ASB18: variants seen among roughly 807,000 people sequenced by gnomAD.
ASB18 encodes ankyrin repeat and SOCS box containing 18, also known as ankyrin repeat and SOCS box protein 18.
In ASB18, 33 loss-of-function variants were observed where a neutral mutation model predicts 33.4. The ratio of observed to expected loss-of-function variants is 0.99; its 90% CI spans 0.75 to 1.32. The LOEUF (loss-of-function observed/expected upper bound fraction) is 1.32, where lower values mean the gene tolerates loss of function less well. Ranked by LOEUF, ASB18 falls within the 40% of genes most tolerant of loss-of-function variation. The probability of loss-of-function intolerance (pLI) is 0.00; values close to 1 mark genes in which losing one functional copy is unlikely to be tolerated. For synonymous variants in ASB18, 295 were observed against 307.6 expected, an observed-to-expected ratio of 0.96 and a Z score of 0.43; for missense variants, 694 against 655.5, an observed-to-expected ratio of 1.06 and a Z score of -0.64.
rs752938934 is a variant in ASB18 at position 236,194,552 on chromosome 2, C to T, written c.*320G>A. Among the ~76,000 whole-genome samples, 1 of 152,196 alleles carries T rather than the reference C, an allele frequency of 6.6e-6. No homozygotes were observed. The highest frequency in any genetic ancestry group is 2.4e-5 in the African/African-American group (1 of 41,442). ...TTAAAGCTGGTTCCCTAGAACCTAT[C>T]GAAGACCTTAAGTGAGGACTCACTG... On this transcript the variant is annotated 3_prime_UTR_variant, in exon 6 of 6. Transcript: ENST00000409749. The surrounding 1 kb of genome is among the most constrained non-coding windows in gnomAD (Gnocchi z 4.5).
rs2060519868 is a variant in ASB18, at chr2:236,223,111, G to C, written c.597-8245C>G. Among the ~76,000 whole-genome samples the C allele has an allele frequency of 6.6e-6, 1 of 152,190 alleles. No individual in the cohort carries two copies. The highest frequency in any genetic ancestry group is 6.5e-5 in the Admixed American group (1 of 15,278). ...GTTTGCCTTCTGCCATGAGTAAAAAGCTTCCTGAGGCCTCCCCAGAAGCAG... is the reference window on the plus strand; with the variant it reads ...GTTTGCCTTCTGCCATGAGTAAAAACCTTCCTGAGGCCTCCCCAGAAGCAG... On this transcript the variant is annotated intron_variant, in intron 3 of 5. Transcript: ENST00000409749. The surrounding 1 kb of genome is among the most constrained non-coding windows in gnomAD (Gnocchi z 4.6).
rs1171971539 is a variant in ASB18 at position 236,196,409 on chromosome 2, C to T, written c.1102-24G>A. On this transcript the variant is annotated intron_variant, in intron 4 of 5. Transcript: ENST00000409749. The surrounding 1 kb of genome is among the most constrained non-coding windows in gnomAD (Gnocchi z 5.6). ...ACCTGGTGGGAAGAGGTGAAAGACGCAGCGTAGGCCGACTGGGTTCTGGGT... is the reference window on the plus strand; with the variant it reads ...ACCTGGTGGGAAGAGGTGAAAGACGTAGCGTAGGCCGACTGGGTTCTGGGT... The T allele has an allele frequency of 3.7e-6, 5 of 1,366,204 alleles. No individual in the cohort carries two copies. In the Admixed American group the frequency reaches 5.9e-5, roughly 16 times the overall value. 84.6% of individuals were successfully genotyped at this position (1,366,204 alleles called of 1,614,324 possible).
At position 236,195,216 on chromosome 2, in the gene ASB18, C is replaced by T. The variant is rs922207097; in HGVS notation, c.1216-159G>A. 5.9e-5 allele frequency among the ~76,000 whole-genome samples: 9 copies of T among 152,234 alleles called. No individual in the cohort carries two copies. Among genetic ancestry groups the T allele is most frequent in the Admixed American group, 5.9e-4 (9 of 15,284 alleles). On this transcript the variant is annotated intron_variant, in intron 5 of 5. Coordinates refer to ENST00000409749, the MANE Select transcript of ASB18 (RefSeq NM_212556.4). The surrounding 1 kb of genome is among the most constrained non-coding windows in gnomAD (Gnocchi z 5.5). Reference sequence around the variant, plus strand: ...GACGCACCATCTTGTGGGAACCACCCTCTACCCCAGGGGCTTGTGTGCTCT... The same window carrying T: ...GACGCACCATCTTGTGGGAACCACCTTCTACCCCAGGGGCTTGTGTGCTCT...
Position 236,196,120 on chromosome 2 carries a change from A to G in ASB18, c.1215+152T>C, listed in dbSNP as rs1363419912. Reference sequence around the variant, plus strand: ...TGTGATTATGGAGCCTCCAGAAAAAACCAGAAACGTGCAAATACACCCTCA... The same window carrying G: ...TGTGATTATGGAGCCTCCAGAAAAAGCCAGAAACGTGCAAATACACCCTCA... On this transcript the variant is annotated intron_variant, in intron 5 of 5. Transcript: ENST00000409749. The surrounding 1 kb of genome is among the most constrained non-coding windows in gnomAD (Gnocchi z 5.6). The G allele has an allele frequency of 2.9e-6, 2 of 678,804 alleles. No homozygotes were observed. The highest frequency in any genetic ancestry group is 5.5e-6 in the Non-Finnish European group (2 of 365,114). 42.0% of individuals were successfully genotyped at this position (678,804 alleles called of 1,614,324 possible).
Position 236,247,124 on chromosome 2 carries a change from T to G in ASB18, c.206-5722A>C, listed in dbSNP as rs1003960586. Among the ~76,000 whole-genome samples the G allele has an allele frequency of 4.3e-5, 3 of 70,268 alleles. No homozygotes were observed. In the East Asian group the frequency reaches 1.0e-3, roughly 23 times the overall value. The allele number at this position is 70,268 out of a possible 152,430, so 46.1% of individuals were successfully genotyped here. Reference sequence around the variant, plus strand: ...AAGGTGTAGTAGTCAAGAAACAGACTCTTTTTTTTTTTTTTTTTTGGTGAC... The same window carrying G: ...AAGGTGTAGTAGTCAAGAAACAGACGCTTTTTTTTTTTTTTTTTTGGTGAC... On this transcript the variant is annotated intron_variant, in intron 1 of 5. Transcript: ENST00000409749.
Position 236,241,413 on chromosome 2 carries a change from G to A in ASB18, c.206-11C>T. On this transcript the variant is annotated splice_polypyrimidine_tract_variant and intron_variant, in intron 1 of 5. Transcript: ENST00000409749. This position sits in a 1 kb window ranked among gnomAD's most constrained non-coding sequence, Gnocchi z 4.2. ...GATGGTCGAGGTCCCCTGCGACCAG[G>A]GCAGTGTGGTACTCCTGCACCGGGG... 6.2e-7 allele frequency: 1 copy of A among 1,613,874 alleles called. No individual in the cohort carries two copies. Among genetic ancestry groups the A allele is most frequent in the Non-Finnish European group, 8.5e-7 (1 of 1,179,834 alleles).
At chr2:236,261,234 T>C (rs1440384342) in intron 1 of ASB18, among the ~76,000 whole-genome samples, 3 of 152,212 alleles carry the variant, frequency 2.0e-5, no homozygotes, top group Admixed American at 2.0e-4. Context: ...ACACAGGTCA[T>C]GGGAGAGCTT....
rs527576686 is a variant in ASB18 at position 236,241,144 on chromosome 2, T to C, written c.328+136A>G. 1.3e-5 allele frequency: 12 copies of C among 892,812 alleles called. No homozygotes were observed. The South Asian group carries it at 1.8e-4, about 13-fold the overall frequency. 55.3% of individuals were successfully genotyped at this position (892,812 alleles called of 1,614,324 possible). ...AACCTACACTTTACTGCGAGCAAAC[T>C]TCATCAGATGTCCTTTTCTTGTGTA... On this transcript the variant is annotated intron_variant, in intron 2 of 5. Transcript: ENST00000409749. This position sits in a 1 kb window ranked among gnomAD's most constrained non-coding sequence, Gnocchi z 4.2.
Position 236,195,478 on chromosome 2 carries a change from A to C in ASB18, c.1216-421T>G, listed in dbSNP as rs2060367436. 6.6e-6 allele frequency among the ~76,000 whole-genome samples: 1 copy of C among 151,170 alleles called. No homozygotes were observed. Among genetic ancestry groups the C allele is most frequent in the African/African-American group, 2.4e-5 (1 of 41,166 alleles). Reference sequence around the variant, plus strand: ...TGGTCAGTCATGCACACATGACTCAAGTCAGTGAAACAGAAAAAACACACA... The same window carrying C: ...TGGTCAGTCATGCACACATGACTCACGTCAGTGAAACAGAAAAAACACACA... On this transcript the variant is annotated intron_variant, in intron 5 of 5. Coordinates refer to ENST00000409749, the MANE Select transcript of ASB18 (RefSeq NM_212556.4). This position sits in a 1 kb window ranked among gnomAD's most constrained non-coding sequence, Gnocchi z 5.5.
chr2:236,254,414 C>G (rs2060682746), intron 1 of ASB18, among the ~76,000 whole-genome samples: 1 of 151,964 alleles, frequency 6.6e-6, no homozygotes, highest in Non-Finnish European at 1.5e-5. Context: ...CGAGCCCACA[C>G]AGCTGACTCC....
At position 236,214,529 on chromosome 2, in the gene ASB18, G is replaced by A. The variant is rs1311673132; in HGVS notation, c.934C>T (p.Leu312=). 9.0e-6 allele frequency: 13 copies of A among 1,439,780 alleles called. No individual in the cohort carries two copies. The highest frequency in any genetic ancestry group is 9.0e-6 in the Non-Finnish European group (10 of 1,109,418). 89.2% of individuals were successfully genotyped at this position (1,439,780 alleles called of 1,614,324 possible). ...GHASHSLARL[L]LRHGADAGAL... is the part of the protein sequence containing the mutation. Reference sequence around the variant, plus strand: ...CCCGCGTCGGCGCCGTGCCGCAGTAGGAGGCGCGCCAGGCTGTGGCTCGCG... The same window carrying A: ...CCCGCGTCGGCGCCGTGCCGCAGTAAGAGGCGCGCCAGGCTGTGGCTCGCG... The change falls in exon 4 of 6, where the codon CTA becomes TTA. Residue 312 remains leucine, a synonymous_variant. Coordinates refer to ENST00000409749, the MANE Select transcript of ASB18 (RefSeq NM_212556.4). The surrounding 1 kb of genome is among the most constrained non-coding windows in gnomAD (Gnocchi z 6.5).
rs1266925553 is a variant in ASB18 at position 236,235,976 on chromosome 2, G to A, written c.596+1713C>T. On this transcript the variant is annotated intron_variant, in intron 3 of 5. Coordinates refer to ENST00000409749, the MANE Select transcript of ASB18 (RefSeq NM_212556.4). The surrounding 1 kb of genome is among the most constrained non-coding windows in gnomAD (Gnocchi z 6.2). ...CCCAAAGTGTTGGGATTACCGGCAT[G>A]AGCCACCGCACCTAGCCTAACAGTT... 6.6e-6 allele frequency among the ~76,000 whole-genome samples: 1 copy of A among 152,226 alleles called. No homozygotes were observed. Among genetic ancestry groups the A allele is most frequent in the East Asian group, 1.9e-4 (1 of 5,200 alleles).
At position 236,215,923 on chromosome 2, in the gene ASB18, A is replaced by C. The variant is rs985373446; in HGVS notation, c.597-1057T>G. Reference sequence around the variant, plus strand: ...TAGCTCCCCAATGCCTGTTGGTCCTACTTGCCATCTTTGCTCTATGGAGAC... The same window carrying C: ...TAGCTCCCCAATGCCTGTTGGTCCTCCTTGCCATCTTTGCTCTATGGAGAC... On this transcript the variant is annotated intron_variant, in intron 3 of 5. Coordinates refer to ENST00000409749, the MANE Select transcript of ASB18 (RefSeq NM_212556.4). This position sits in a 1 kb window ranked among gnomAD's most constrained non-coding sequence, Gnocchi z 7.2. Among the ~76,000 whole-genome samples the C allele has an allele frequency of 1.3e-5, 2 of 152,098 alleles. No homozygotes were observed. The highest frequency in any genetic ancestry group is 2.9e-5 in the Non-Finnish European group (2 of 68,006).
chr2:236,203,915 A>C lies in ASB18; in HGVS notation c.1102-7530T>G, dbSNP rs970222722. On this transcript the variant is annotated intron_variant, in intron 4 of 5. Coordinates refer to ENST00000409749, the MANE Select transcript of ASB18 (RefSeq NM_212556.4). This position sits in a 1 kb window ranked among gnomAD's most constrained non-coding sequence, Gnocchi z 6.0. ...ACCAACCAACCAACCAACCAACCAA[A>C]CAAGGACATATCACCAAGGCTGGAT... 1.6e-5 allele frequency among the ~76,000 whole-genome samples: 2 copies of C among 123,688 alleles called. No individual in the cohort carries two copies. The highest frequency in any genetic ancestry group is 3.0e-5 in the African/African-American group (1 of 33,152). The allele number at this position is 123,688 out of a possible 152,430, so 81.1% of individuals were successfully genotyped here.
rs1476864573 is a variant in ASB18 at position 236,255,881 on chromosome 2, C to T, written c.205+8260G>A. Reference sequence around the variant, plus strand: ...TTGGGTGCACTACGTTTCCTGCTCGCCTCCCTTTATCTGGGCTTCCTTCCT... The same window carrying T: ...TTGGGTGCACTACGTTTCCTGCTCGTCTCCCTTTATCTGGGCTTCCTTCCT... On this transcript the variant is annotated intron_variant, in intron 1 of 5. Coordinates refer to ENST00000409749, the MANE Select transcript of ASB18 (RefSeq NM_212556.4). The surrounding 1 kb of genome is among the most constrained non-coding windows in gnomAD (Gnocchi z 4.4). Among the ~76,000 whole-genome samples, 1 of 152,180 alleles carries T rather than the reference C, an allele frequency of 6.6e-6. No individual in the cohort carries two copies. The highest frequency in any genetic ancestry group is 1.5e-5 in the Non-Finnish European group (1 of 68,038).
rs903250131 is a variant in ASB18 at position 236,208,751 on chromosome 2, T to C, written c.1101+5611A>G. Among the ~76,000 whole-genome samples, 2 of 152,200 alleles carry C rather than the reference T, an allele frequency of 1.3e-5. No individual in the cohort carries two copies. The highest frequency in any genetic ancestry group is 2.4e-5 in the African/African-American group (1 of 41,460). Reference sequence around the variant, plus strand: ...CCGTCCTCTGCATCGTGCCCCCTCATGTTTGCCAGGCAGCTGGCTGCCTTC... The same window carrying C: ...CCGTCCTCTGCATCGTGCCCCCTCACGTTTGCCAGGCAGCTGGCTGCCTTC... On this transcript the variant is annotated intron_variant, in intron 4 of 5. Transcript: ENST00000409749. The surrounding 1 kb of genome is among the most constrained non-coding windows in gnomAD (Gnocchi z 7.7).
At position 236,214,931 on chromosome 2, in the gene ASB18, C is replaced by T. The variant is rs1321859120; in HGVS notation, c.597-65G>A. 49 of 1,173,540 alleles carry T rather than the reference C, an allele frequency of 4.2e-5. No homozygotes were observed. The highest frequency in any genetic ancestry group is 5.0e-5 in the Non-Finnish European group (47 of 946,014). The allele number at this position is 1,173,540 out of a possible 1,614,324, so 72.7% of individuals were successfully genotyped here. A position where few individuals can be genotyped will look rare whatever the true frequency, so the allele number is the denominator to read the frequency against. Reference sequence around the variant, plus strand: ...GACGCCCGCACCCTTCCACCCCCGGCCTGCTGCTGCAAAATATCAAGTGAC... The same window carrying T: ...GACGCCCGCACCCTTCCACCCCCGGTCTGCTGCTGCAAAATATCAAGTGAC... On this transcript the variant is annotated intron_variant, in intron 3 of 5. Coordinates refer to ENST00000409749, the MANE Select transcript of ASB18 (RefSeq NM_212556.4). This position sits in a 1 kb window ranked among gnomAD's most constrained non-coding sequence, Gnocchi z 6.5.
chr2:236,236,893 T>C (rs1576406000), intron 3 of ASB18, among the ~76,000 whole-genome samples: 2 of 152,098 alleles, frequency 1.3e-5, no homozygotes, highest in South Asian at 2.1e-4. Context: ...CTGGAGCATT[T>C]TGACTAACAG....
At position 236,214,923 on chromosome 2, in the gene ASB18, AC is replaced by A; in HGVS notation, c.597-58del. ...CCACGCAGGACGCCCGCACCCTTCC[AC>A]CCCCGGCCTGCTGCTGCAAAATATC... On this transcript the variant is annotated intron_variant, in intron 3 of 5. Coordinates refer to ENST00000409749, the MANE Select transcript of ASB18 (RefSeq NM_212556.4). The surrounding 1 kb of genome is among the most constrained non-coding windows in gnomAD (Gnocchi z 6.5). The A allele has an allele frequency of 1.7e-6, 2 of 1,173,632 alleles. No individual in the cohort carries two copies. Among genetic ancestry groups the A allele is most frequent in the Non-Finnish European group, 1.0e-6 (1 of 952,648 alleles). The allele number at this position is 1,173,632 out of a possible 1,614,324, so 72.7% of individuals were successfully genotyped here. A position where few individuals can be genotyped will look rare whatever the true frequency, so the allele number is the denominator to read the frequency against.
Sources: gnomAD v4.1 joint callset for allele counts (sites outside exome capture counted in the v4.1 genomes callset) on GRCh38, gnomAD v4.1.1 for gene constraint, Gnocchi (gnomAD v3.1) non-coding constraint, MANE v1.5 for transcripts, NCBI Gene and HGNC (gene_info 2026-07-23, HGNC 2026-07-21) for gene names.